Variants in RSF1 observed in about 807,000 individuals in gnomAD.
RSF1 encodes remodeling and spacing factor 1.
RSF1 carries 13 observed loss-of-function variants against 145.2 expected under a neutral mutation model. The ratio of observed to expected loss-of-function variants is 0.09; its 90% CI spans 0.06 to 0.14. RSF1 has a LOEUF of 0.14. RSF1 is among the 10% of genes least tolerant of loss of function. The pLI, the probability that RSF1 is intolerant of heterozygous loss-of-function variation, is 1.00. For synonymous variants in RSF1, 577 were observed against 592.6 expected (o/e 0.97, Z 0.38); for missense variants, 1,517 against 1,718.2 (o/e 0.88, Z 2.07).
In RSF1 at chr11:77,786,201, C is replaced by T. The variant is rs1044891958; in HGVS notation, c.188-21512G>A. 6.6e-5 allele frequency among the ~76,000 whole-genome samples: 10 copies of T among 152,040 alleles called. No individual in the cohort carries two copies. In the South Asian group the frequency reaches 8.3e-4, roughly 13 times the overall value. On this transcript the variant is annotated intron_variant, in intron 1 of 15. Coordinates refer to ENST00000308488, the MANE Select transcript of RSF1 (RefSeq NM_016578.4). ...ATACTAAAAATCCTGACATTTACTA[C>T]GTACCATCATGCTTCCCATTAATTT...
intron 4 of RSF1, chr11:77,738,784 A>G (rs1252819949): frequency 1.3e-5 from 2 of 152,068 alleles, no homozygotes; most frequent in African/African-American, 4.8e-5. Flanking sequence ...GGTTCAAGCG[A>G]TTCTCCAGCC....
At chr11:77,748,951 AC>A (rs756602003) in intron 2 of RSF1, among the ~76,000 whole-genome samples, 1 of 152,248 alleles carries the variant, frequency 6.6e-6, no homozygotes, top group Non-Finnish European at 1.5e-5. Context: ...ACTGTGGCAC[AC>A]CACACAATGG....
At chr11:77,720,123 A>G (rs188003724) in intron 5 of RSF1, among the ~76,000 whole-genome samples, 15 of 152,318 alleles carry the variant, frequency 9.8e-5, no homozygotes, top group Admixed American at 3.9e-4. Flanking sequence ...AGCTTTTTAA[A>G]AACAAAGCAG....
Position 77,777,158 on chromosome 11 carries a change from A to G in RSF1, c.188-12469T>C, listed in dbSNP as rs568853399. On this transcript the variant is annotated intron_variant, in intron 1 of 15. Coordinates refer to ENST00000308488, the MANE Select transcript of RSF1 (RefSeq NM_016578.4). Reference sequence around the variant, plus strand: ...AATTCTAGATATCATTATTTCATCCATAAATACTTCAGTGTGTATCTCTAA... The same window carrying G: ...AATTCTAGATATCATTATTTCATCCGTAAATACTTCAGTGTGTATCTCTAA... Among the ~76,000 whole-genome samples the G allele has an allele frequency of 1.3e-3, 192 of 152,342 alleles. 1 individual carries two copies. Among genetic ancestry groups the G allele is most frequent in the African/African-American group, 4.4e-3 (185 of 41,574 alleles).
intron 5 of RSF1, among the ~76,000 whole-genome samples, chr11:77,722,378 G>A (rs1314555527): frequency 3.3e-5 from 5 of 152,246 alleles, no homozygotes; most frequent in Non-Finnish European, 7.4e-5. Flanking sequence ...GTTAGGAGAT[G>A]ACCTTATTAC....
At chr11:77,728,605 G>GGAAGGGA (rs1244912681) in intron 4 of RSF1, among the ~76,000 whole-genome samples, 2 of 151,230 alleles carry the variant, frequency 1.3e-5, no homozygotes, top group Non-Finnish European at 2.9e-5. Context: ...GGAAGGGAAG[G>GGAAGGGA]GAAGGGAGAA....
At chr11:77,731,397 G>C (rs2135895846) in intron 4 of RSF1, among the ~76,000 whole-genome samples, 1 of 152,286 alleles carries the variant, frequency 6.6e-6, no homozygotes, top group South Asian at 2.1e-4. Flanking sequence ...GAGTATAAAA[G>C]TTTAGAAAAT....
chr11:77,750,430 T>C (rs1169389781), intron 2 of RSF1, among the ~76,000 whole-genome samples: 1 of 152,224 alleles, frequency 6.6e-6, no homozygotes, highest in Non-Finnish European at 1.5e-5. Flanking sequence ...ATAATGAAAT[T>C]TGAATTTCAT....
chr11:77,673,815 T>C (rs1037450468), intron 14 of RSF1, among the ~76,000 whole-genome samples: 9 of 152,184 alleles, frequency 5.9e-5, no homozygotes, highest in Admixed American at 5.2e-4. Flanking sequence ...ATCTGAATCT[T>C]ATCACAAGGA....
chr11:77,758,016 C>T (rs1037890888), intron 2 of RSF1, among the ~76,000 whole-genome samples: 1 of 151,684 alleles, frequency 6.6e-6, no homozygotes, highest in African/African-American at 2.4e-5. Flanking sequence ...GTCTGTAGTT[C>T]CGGCTACTGG....
intron 1 of RSF1, among the ~76,000 whole-genome samples, chr11:77,768,977 TTTTA>T (rs1415289384): frequency 6.6e-6 from 1 of 152,230 alleles, no homozygotes; most frequent in African/African-American, 2.4e-5. Context: ...CAATTCTTAA[TTTTA>T]TTTATTTTTA....
chr11:77,770,099 C>G (rs148470154), intron 1 of RSF1, among the ~76,000 whole-genome samples: 4 of 152,162 alleles, frequency 2.6e-5, no homozygotes, highest in African/African-American at 9.7e-5. Context: ...ATCAATCATC[C>G]TAGTTTTCTG....
intron 3 of RSF1, among the ~76,000 whole-genome samples, chr11:77,743,126 T>G (rs1278529203): frequency 6.6e-6 from 1 of 152,196 alleles, no homozygotes; most frequent in Non-Finnish European, 1.5e-5. Context: ...CAGTACCATG[T>G]TGTTCTGATT....
intron 10 of RSF1, 47 bp from the exon 11 acceptor site, chr11:77,683,866 C>A: frequency 7.0e-7 from 1 of 1,427,406 alleles, no homozygotes; most frequent in Non-Finnish European, 9.7e-7. Context: ...TTATGCAGAA[C>A]AAAGTTCCTT....
At chr11:77,785,967 G>C (rs1270502440) in intron 1 of RSF1, among the ~76,000 whole-genome samples, 1 of 113,878 alleles carries the variant, frequency 8.8e-6, no homozygotes, top group Non-Finnish European at 1.8e-5. Flanking sequence ...ATTATACGTA[G>C]ATCTATTTGT....
chr11:77,778,182 GGA>G (rs1162153928), intron 1 of RSF1, among the ~76,000 whole-genome samples: 3 of 20,218 alleles, frequency 1.5e-4, no homozygotes, highest in African/African-American at 5.7e-4. Context: ...GGAGTGGAGG[GGA>G]GGGGTGGGGG....
intron 1 of RSF1, among the ~76,000 whole-genome samples, chr11:77,787,574 G>T (rs1421135908): frequency 6.6e-6 from 1 of 151,866 alleles, no homozygotes. Flanking sequence ...TACTATCTGG[G>T]TCTTTACAGA....
At chr11:77,728,449 C>A (rs1014394504) in intron 4 of RSF1, among the ~76,000 whole-genome samples, 2 of 151,218 alleles carry the variant, frequency 1.3e-5, no homozygotes, top group African/African-American at 4.9e-5. Context: ...GCGAGGCAGG[C>A]AGATCACCTG....
chr11:77,699,159 A>G (rs1340384563), intron 6 of RSF1, among the ~76,000 whole-genome samples: 2 of 152,220 alleles, frequency 1.3e-5, no homozygotes, highest in East Asian at 1.9e-4. Flanking sequence ...ATGCTTTGTA[A>G]GAGAATGATG....
Sources: gnomAD v4.1 joint callset for allele counts (sites outside exome capture counted in the v4.1 genomes callset) on GRCh38, gnomAD v4.1.1 for gene constraint, MANE v1.5 for transcripts, NCBI Gene and HGNC (gene_info 2026-07-23, HGNC 2026-07-21) for gene names.